The following RAI14 variants were observed in gnomAD, a reference collection of about 807,000 sequenced individuals.
RAI14 encodes the protein ankycorbin.
In RAI14, 45 loss-of-function variants were observed where a neutral mutation model predicts 115.4. The ratio of observed to expected loss-of-function variants is 0.39; its 90% CI spans 0.31 to 0.50. RAI14 has a LOEUF of 0.50. Among genes scored for constraint, RAI14 ranks in the 20% least tolerant of loss-of-function variants. The pLI is 0.85. For synonymous variants in RAI14, 371 were observed against 415.4 expected, an observed-to-expected ratio of 0.89 and a Z score of 1.30; for missense variants, 939 against 1,131.2, an observed-to-expected ratio of 0.83 and a Z score of 2.44.
intron 2 of RAI14, among the ~76,000 whole-genome samples, chr5:34,693,776 C>T (rs544352587): frequency 6.6e-6 from 1 of 152,306 alleles, no homozygotes; most frequent in East Asian, 1.9e-4. Context: ...AAGCTTCAAA[C>T]TGCATAAAAT....
At chr5:34,762,408 A>G (rs1397688723) in intron 3 of RAI14, among the ~76,000 whole-genome samples, 1 of 152,140 alleles carries the variant, frequency 6.6e-6, no homozygotes, top group Non-Finnish European at 1.5e-5. Context: ...CCCAAGGTCA[A>G]TAACCAGATG....
Position 34,683,621 on chromosome 5 carries a change from T to G in RAI14, c.-48-3251T>G, listed in dbSNP as rs921967819. Among the ~76,000 whole-genome samples the G allele has an allele frequency of 5.9e-5, 9 of 152,260 alleles. No homozygotes were observed. The South Asian group carries it at 1.7e-3, about 28-fold the overall frequency. ...AACTGCACAGTTTTGGGTTATCCAA[T>G]ATATGGCCTTCTTTTCTCCCTTTCC... On this transcript the variant is annotated intron_variant, in intron 1 of 17. Transcript: ENST00000265109.
At chr5:34,744,283 T>C (rs1745895145) in intron 2 of RAI14, among the ~76,000 whole-genome samples, 1 of 152,250 alleles carries the variant, frequency 6.6e-6, no homozygotes, top group Admixed American at 6.5e-5. Context: ...TCCTATATTT[T>C]TTTTTCCGCA....
intron 9 of RAI14, 101 bp from the exon 10 acceptor site, chr5:34,812,079 A>G: frequency 7.5e-7 from 1 of 1,331,968 alleles, no homozygotes; most frequent in East Asian, 2.3e-5. Context: ...AGGAGTGTTA[A>G]AAAATATTGT....
intron 2 of RAI14, among the ~76,000 whole-genome samples, chr5:34,748,959 A>G (rs567173722): frequency 1.8e-4 from 27 of 152,316 alleles, no homozygotes; most frequent in African/African-American, 6.0e-4. Flanking sequence ...CCCTGCACCT[A>G]GTAGATACAT....
chr5:34,768,996 A>T (rs1749794637), intron 3 of RAI14, among the ~76,000 whole-genome samples: 1 of 151,980 alleles, frequency 6.6e-6, no homozygotes, highest in Non-Finnish European at 1.5e-5. Context: ...CTCAAAAAAA[A>T]AAAAAGGATG....
At chr5:34,812,377 G>A (rs552048819) in intron 10 of RAI14, among the ~76,000 whole-genome samples, 169 bp downstream of exon 10, 41 of 152,296 alleles carry the variant, frequency 2.7e-4, no homozygotes, top group Non-Finnish European at 5.4e-4. Flanking sequence ...AGGTGTTAAA[G>A]GTTGCCAGGC....
intron 1 of RAI14, among the ~76,000 whole-genome samples, chr5:34,668,375 C>T (rs1396628580): frequency 6.9e-6 from 1 of 145,718 alleles, no homozygotes; most frequent in Non-Finnish European, 1.5e-5. Context: ...GCCTAGGCAA[C>T]AGAGCGAGAC....
chr5:34,662,096 C>A (rs73089105), intron 1 of RAI14, among the ~76,000 whole-genome samples: 2 of 152,140 alleles, frequency 1.3e-5, no homozygotes, highest in South Asian at 2.1e-4. Context: ...GTCCACACTG[C>A]GTTTCTAAGA....
At chr5:34,704,925 A>C (rs1471736083) in intron 2 of RAI14, among the ~76,000 whole-genome samples, 1 of 152,144 alleles carries the variant, frequency 6.6e-6, no homozygotes, top group Non-Finnish European at 1.5e-5. Flanking sequence ...CTAGCATGTA[A>C]AATATGGCTA....
In RAI14 at chr5:34,831,346, T is replaced by C. The variant is rs983412658; in HGVS notation, c.*581T>C. On this transcript the variant is annotated 3_prime_UTR_variant, in exon 18 of 18. Coordinates refer to ENST00000265109, the MANE Select transcript of RAI14 (RefSeq NM_015577.3). The stretch of plus-strand genomic sequence containing the variant: ...GCCTTATATATCTCATCACCCTGCT[T>C]ATCAATATTCAGTTTGATGAGCACT... 1.3e-5 allele frequency: 2 copies of C among 152,738 alleles called. No individual in the cohort carries two copies. Among genetic ancestry groups the C allele is most frequent in the African/African-American group, 2.4e-5 (1 of 41,472 alleles). The allele number at this position is 152,738 out of a possible 1,614,324, so 9.5% of individuals were successfully genotyped here. A position where few individuals can be genotyped will look rare whatever the true frequency, so the allele number is the denominator to read the frequency against.
chr5:34,679,196 CCCTTTTAGA>C (rs1374816534), intron 1 of RAI14, among the ~76,000 whole-genome samples: 1 of 152,242 alleles, frequency 6.6e-6, no homozygotes, highest in Middle Eastern at 3.2e-3. Context: ...CACATTCTGA[CCCTTTTAGA>C]CCTGGATGTG....
chr5:34,811,301 A>G (rs1225901284), intron 8 of RAI14, among the ~76,000 whole-genome samples, 183 bp downstream of exon 8: 2 of 152,244 alleles, frequency 1.3e-5, no homozygotes, highest in Non-Finnish European at 2.9e-5. Context: ...AATTTTCCCC[A>G]GACATCTGTG....
chr5:34,707,969 C>T (rs145192906), intron 2 of RAI14, among the ~76,000 whole-genome samples: 4 of 151,938 alleles, frequency 2.6e-5, no homozygotes, highest in East Asian at 3.9e-4. Context: ...GATACAGGGG[C>T]GGGAAAAGAG....
At chr5:34,787,966 T>C (rs997570494) in intron 3 of RAI14, among the ~76,000 whole-genome samples, 1 of 128,586 alleles carries the variant, frequency 7.8e-6, no homozygotes, top group Non-Finnish European at 1.6e-5. Context: ...CAGGCTAGAG[T>C]GCAGTGGTGG....
intron 1 of RAI14, among the ~76,000 whole-genome samples, chr5:34,667,777 C>T (rs1743328207): frequency 6.6e-6 from 1 of 152,062 alleles, no homozygotes; most frequent in Admixed American, 6.6e-5. Flanking sequence ...CATTGAGCAG[C>T]AGCACGAAGG....
intron 2 of RAI14, among the ~76,000 whole-genome samples, chr5:34,744,488 C>T (rs1745924029): frequency 6.6e-6 from 1 of 152,166 alleles, no homozygotes; most frequent in African/African-American, 2.4e-5. Context: ...CTCTCCCTCG[C>T]CCCAGTGACC....
chr5:34,714,624 T>A (rs937058821), intron 2 of RAI14, among the ~76,000 whole-genome samples: 9 of 152,216 alleles, frequency 5.9e-5, no homozygotes, highest in Non-Finnish European at 1.3e-4. Flanking sequence ...CAATGGCATA[T>A]AATAATAATT....
rs778893578 is a variant in RAI14 at position 34,757,596 on chromosome 5, C to G, written c.165C>G (p.Thr55=). Residue 55 remains threonine (T), a splice_region_variant and synonymous_variant, in exon 3 of 18, where the codon ACC becomes ACG. Transcript: ENST00000265109. ...CCAAACACGACAGTGAGGGCAAGAC[C>G]GCGTAAGCTGAAACACTGGTTTGCA... The part of the protein sequence containing the change: ...SATKHDSEGK[T]AFHLAAAKGH... 6.2e-7 allele frequency: 1 copy of G among 1,607,138 alleles called. No homozygotes were observed. The highest frequency in any genetic ancestry group is 1.3e-5 in the African/African-American group (1 of 74,746).
Sources: gnomAD v4.1 joint callset for allele counts (sites outside exome capture counted in the v4.1 genomes callset) on GRCh38, gnomAD v4.1.1 for gene constraint, MANE v1.5 for transcripts, NCBI Gene and HGNC (gene_info 2026-07-23, HGNC 2026-07-21) for gene names.